Variants in INTS6 observed in about 807,000 individuals in gnomAD.
INTS6 encodes DEAD box protein.
INTS6 carries 16 observed loss-of-function variants against 104.9 expected under a neutral mutation model. The ratio of observed to expected loss-of-function variants is 0.15; its 90% CI spans 0.10 to 0.23. INTS6 has a LOEUF of 0.23. Among genes scored for constraint, INTS6 ranks in the 10% least tolerant of loss-of-function variants. The probability of loss-of-function intolerance (pLI) is 1.00; values close to 1 mark genes in which losing one functional copy is unlikely to be tolerated. For missense variants in INTS6, 584 were observed against 1,062.8 expected (o/e 0.55, Z 6.26); for synonymous variants, 324 against 358.7 (o/e 0.90, Z 1.09).
In INTS6 at chr13:51,379,578, G is replaced by A. The variant is rs1956005008; in HGVS notation, c.1276-6C>T. ...CTAACAGCTTTCTTCAAGGGCTATA[G>A]GAAAAAAGAAAACATCATTCAATAT... On this transcript the variant is annotated splice_polypyrimidine_tract_variant and splice_region_variant and intron_variant, in intron 10 of 17. Coordinates refer to ENST00000311234, the MANE Select transcript of INTS6 (RefSeq NM_012141.3). 1 of 1,503,496 alleles carries A rather than the reference G, an allele frequency of 6.7e-7. No homozygotes were observed. The highest frequency in any genetic ancestry group is 9.1e-7 in the Non-Finnish European group (1 of 1,099,436). 93.1% of individuals were successfully genotyped at this position (1,503,496 alleles called of 1,614,324 possible).
intron 4 of INTS6, among the ~76,000 whole-genome samples, chr13:51,403,693 G>A (rs183778262): frequency 5.3e-5 from 8 of 150,222 alleles, no homozygotes; most frequent in African/African-American, 2.0e-4. Context: ...CAAATTATAT[G>A]TATTCTCATA....
chr13:51,448,106 A>C (rs930759923), intron 3 of INTS6: 1 of 152,206 alleles, frequency 6.6e-6, no homozygotes, highest in Non-Finnish European at 1.5e-5. Flanking sequence ...GACCTGTAAC[A>C]ATAAGAAAAT....
At chr13:51,347,961 C>G in the INTS6 span, among the ~76,000 whole-genome samples, 5 of 152,068 alleles carry the variant, frequency 3.3e-5, no homozygotes, top group African/African-American at 7.2e-5. Flanking sequence ...CATCGTCCCC[C>G]CCCCCATACC....
intron 17 of INTS6, among the ~76,000 whole-genome samples, chr13:51,366,895 C>T (rs1326312950): frequency 6.6e-6 from 1 of 151,970 alleles, no homozygotes; most frequent in Admixed American, 6.6e-5. Flanking sequence ...TCTTATAATA[C>T]TAAAATCCCC....
intron 7 of INTS6, among the ~76,000 whole-genome samples, chr13:51,386,292 T>C (rs1956140342): frequency 6.6e-6 from 1 of 152,130 alleles, no homozygotes; most frequent in African/African-American, 2.4e-5. Flanking sequence ...TGTTCTCCTG[T>C]ACATGTTAAA....
chr13:51,413,024 T>C (rs1956716456), intron 4 of INTS6, among the ~76,000 whole-genome samples: 1 of 152,188 alleles, frequency 6.6e-6, no homozygotes, highest in South Asian at 2.1e-4. Flanking sequence ...ATTCAGGGTC[T>C]GAACAGCAAC....
the INTS6 span, chr13:51,339,385 A>G: frequency 1.3e-5 from 2 of 152,230 alleles, no homozygotes; most frequent in African/African-American, 4.8e-5. Context: ...GAATTCCTCA[A>G]TGTGACAAAG....
intron 4 of INTS6, among the ~76,000 whole-genome samples, chr13:51,414,963 T>C (rs1956760109): frequency 6.6e-6 from 1 of 152,004 alleles, no homozygotes; most frequent in African/African-American, 2.4e-5. Context: ...TTCTAATTAT[T>C]TCCAAGAACA....
chr13:51,451,296 G>A, intron 2 of INTS6, 122 bp from the exon 3 acceptor site: 1 of 663,794 alleles, frequency 1.5e-6, no homozygotes, highest in Admixed American at 3.7e-5. Context: ...TGGTTAACGT[G>A]TTAATACTGT....
intron 3 of INTS6, chr13:51,450,470 TCA>T (rs1469861067): frequency 2.0e-6 from 2 of 985,320 alleles, no homozygotes; most frequent in African/African-American, 3.5e-5. Flanking sequence ...GAAATTTAAT[TCA>T]GAGTTCTTCC....
chr13:51,430,675 T>G (rs1957074398), intron 3 of INTS6, among the ~76,000 whole-genome samples: 2 of 152,168 alleles, frequency 1.3e-5, no homozygotes, highest in African/African-American at 4.8e-5. Flanking sequence ...CTAAGAGTAT[T>G]TAATTTCTTA....
Position 51,369,260 on chromosome 13 carries a change from C to G in INTS6, c.2155G>C (p.Val719Leu). The G allele has an allele frequency of 6.2e-7, 1 of 1,613,394 alleles. No homozygotes were observed. Residue 719 changes from valine (V) to leucine (L), a missense_variant, in exon 16 of 18, where the codon GTT (valine) becomes CTT (leucine). Val to Leu is a conservative substitution (Grantham distance 32, BLOSUM62 1). Transcript: ENST00000311234. ...SIIHDVVENHVADQLSSDITP... is the reference protein window; with the variant it reads ...SIIHDVVENHLADQLSSDITP... ...ATGTCTGATGAAAGTTGGTCTGCAACATGATTTTCAACCACATCATGTATT... is the reference window on the plus strand; with the variant it reads ...ATGTCTGATGAAAGTTGGTCTGCAAGATGATTTTCAACCACATCATGTATT...
intron 4 of INTS6, among the ~76,000 whole-genome samples, chr13:51,397,777 T>G (rs368980901): frequency 2.6e-5 from 4 of 152,182 alleles, no homozygotes; most frequent in African/African-American, 9.6e-5. Flanking sequence ...TACATGGAAC[T>G]GTCTTGAGAA....
intron 4 of INTS6, among the ~76,000 whole-genome samples, chr13:51,419,238 CTTCT>C (rs1313693922): frequency 6.6e-6 from 1 of 152,180 alleles, no homozygotes; most frequent in Non-Finnish European, 1.5e-5. Context: ...GTCCACGCTA[CTTCT>C]TTCTAAAATG....
At chr13:51,426,418 A>T (rs751125434) in intron 4 of INTS6, among the ~76,000 whole-genome samples, 6 of 152,110 alleles carry the variant, frequency 3.9e-5, no homozygotes, top group Non-Finnish European at 5.9e-5. Flanking sequence ...CACAGATACA[A>T]GGTAGGAGCC....
chr13:51,374,619 T>C (rs745435769), intron 14 of INTS6, 35 bp downstream of exon 14: 61 of 1,609,114 alleles, frequency 3.8e-5, no homozygotes, highest in Non-Finnish European at 5.0e-5. Flanking sequence ...GTGCCTACCA[T>C]AAACAAATTA....
chr13:51,438,197 C>T (rs1426208279), intron 3 of INTS6: 6 of 152,080 alleles, frequency 3.9e-5, no homozygotes, highest in African/African-American at 1.4e-4. Context: ...GTAAAAGTTT[C>T]TAAGAATCCT....
chr13:51,417,166 T>A (rs1201296769), intron 4 of INTS6, among the ~76,000 whole-genome samples: 34 of 152,206 alleles, frequency 2.2e-4, no homozygotes, highest in Admixed American at 2.2e-3. Context: ...CTCATTCTGT[T>A]ACTATCTTTT....
chr13:51,364,146 A>C lies in INTS6; in HGVS notation c.*1606T>G, dbSNP rs966680637. 1 of 551,510 alleles carries C rather than the reference A, an allele frequency of 1.8e-6. No homozygotes were observed. The highest frequency in any genetic ancestry group is 3.7e-5 in the Admixed American group (1 of 27,238). 34.2% of individuals were successfully genotyped at this position (551,510 alleles called of 1,614,324 possible). On this transcript the variant is annotated 3_prime_UTR_variant, in exon 18 of 18. Coordinates refer to ENST00000311234, the MANE Select transcript of INTS6 (RefSeq NM_012141.3). Reference sequence around the variant, plus strand: ...TTCCATCTATTAAATGTTATCTTGCATTACTTAAAAGTATTTGTATAGAAG... The same window carrying C: ...TTCCATCTATTAAATGTTATCTTGCCTTACTTAAAAGTATTTGTATAGAAG...
Sources: gnomAD v4.1 joint callset for allele counts (sites outside exome capture counted in the v4.1 genomes callset) on GRCh38, gnomAD v4.1.1 for gene constraint, MANE v1.5 for transcripts, NCBI Gene and HGNC (gene_info 2026-07-23, HGNC 2026-07-21) for gene names.